The following ARHGAP24 variants were observed in gnomAD, a reference collection of about 807,000 sequenced individuals.
ARHGAP24 encodes the protein Rho GTPase activating protein 24.
Under a neutral mutation model 76.4 loss-of-function variants are expected in ARHGAP24, and 50 were observed. The ratio of observed to expected loss-of-function variants is 0.65; its 90% CI spans 0.52 to 0.83. The LOEUF is 0.83. Among genes scored for constraint, ARHGAP24 ranks in the 40% least tolerant of loss-of-function variants. The pLI is 0.00. For missense variants in ARHGAP24, 930 were observed against 914.2 expected (o/e 1.02, Z -0.22); for synonymous variants, 345 against 323.3 (o/e 1.07, Z -0.72).
intron 3 of ARHGAP24, among the ~76,000 whole-genome samples, chr4:85,738,133 C>G (rs1725671636): frequency 6.6e-6 from 1 of 152,044 alleles, no homozygotes; most frequent in African/African-American, 2.4e-5. Flanking sequence ...GTTGGCCAGG[C>G]TCGTCTCGAA....
At chr4:85,476,235 A>C (rs548975681) in intron 1 of ARHGAP24, among the ~76,000 whole-genome samples, 6 of 152,068 alleles carry the variant, frequency 3.9e-5, no homozygotes, top group Non-Finnish European at 8.8e-5. Context: ...AAAATACTTA[A>C]GACTACATTT....
chr4:85,642,152 A>G (rs114584358), intron 2 of ARHGAP24, among the ~76,000 whole-genome samples: 1 of 152,074 alleles, frequency 6.6e-6, no homozygotes, highest in Admixed American at 6.5e-5. Context: ...ACAGAAAAAC[A>G]GGGGAAGACT....
chr4:85,784,550 G>C (rs936647138), intron 3 of ARHGAP24, among the ~76,000 whole-genome samples: 2 of 151,908 alleles, frequency 1.3e-5, no homozygotes, highest in Non-Finnish European at 2.9e-5. Context: ...CTTCAGCTTG[G>C]CAGCAAACTG....
At chr4:85,872,820 C>T (rs567647958) in intron 3 of ARHGAP24, among the ~76,000 whole-genome samples, 74 of 150,882 alleles carry the variant, frequency 4.9e-4, no homozygotes, top group South Asian at 2.1e-4. Flanking sequence ...AGGCTGGTCT[C>T]GAACTCCTGA....
intron 2 of ARHGAP24, among the ~76,000 whole-genome samples, chr4:85,589,851 T>C (rs981698621): frequency 5.3e-5 from 8 of 152,254 alleles, no homozygotes; most frequent in Admixed American, 5.2e-4. Flanking sequence ...ATGGATTTTT[T>C]ATTTTACAAA....
chr4:85,641,450 G>C (rs1037664864), intron 2 of ARHGAP24, among the ~76,000 whole-genome samples: 2 of 152,178 alleles, frequency 1.3e-5, no homozygotes, highest in Non-Finnish European at 2.9e-5. Flanking sequence ...GGTATTTTCA[G>C]GGTTGATTCC....
intron 2 of ARHGAP24, among the ~76,000 whole-genome samples, chr4:85,584,127 A>G (rs1727740492): frequency 6.6e-6 from 1 of 151,674 alleles, no homozygotes; most frequent in Non-Finnish European, 1.5e-5. Context: ...ATGCTGCTAT[A>G]AAGACACATG....
chr4:85,630,398 C>T (rs186871683), intron 2 of ARHGAP24, among the ~76,000 whole-genome samples: 4 of 152,214 alleles, frequency 2.6e-5, no homozygotes, highest in Admixed American at 6.5e-5. Flanking sequence ...TTGATGGTGT[C>T]GCATTTCTGT....
At chr4:85,728,024 A>G (rs959704260) in intron 3 of ARHGAP24, among the ~76,000 whole-genome samples, 8 of 152,166 alleles carry the variant, frequency 5.3e-5, no homozygotes, top group Non-Finnish European at 1.2e-4. Context: ...CTTCAAAAAA[A>G]AAAAAGATGT....
chr4:85,605,854 C>T (rs1720175952), intron 2 of ARHGAP24, among the ~76,000 whole-genome samples: 2 of 152,142 alleles, frequency 1.3e-5, no homozygotes, highest in Admixed American at 6.5e-5. Context: ...AAAAGTACAT[C>T]TCAGTCTGAA....
At chr4:85,710,443 AC>A (rs1006460912) in intron 2 of ARHGAP24, among the ~76,000 whole-genome samples, 5 of 152,180 alleles carry the variant, frequency 3.3e-5, no homozygotes, top group African/African-American at 1.2e-4. Flanking sequence ...TGACAGAGAC[AC>A]CAAAAGCAAA....
At chr4:85,996,183 C>T (rs1195765788) in intron 9 of ARHGAP24, among the ~76,000 whole-genome samples, 1 of 152,114 alleles carries the variant, frequency 6.6e-6, no homozygotes, top group East Asian at 1.9e-4. Flanking sequence ...CTGAGAGAGG[C>T]CATAAGAGCC....
chr4:85,538,360 T>G lies in ARHGAP24; in HGVS notation c.-20-32162T>G, dbSNP rs147221334. Among the ~76,000 whole-genome samples, 570 of 152,338 alleles carry G rather than the reference T, an allele frequency of 3.7e-3. 3 individuals carry two copies. Among genetic ancestry groups the G allele is most frequent in the Middle Eastern group, 0.014 (4 of 294 alleles). ...ATGTTGATTATTTTTATTTTACTAT[T>G]TTGACTTTATATTAGGTTAAATTAT... On this transcript the variant is annotated intron_variant, in intron 1 of 9. Transcript: ENST00000395184.
At chr4:85,553,486 A>G (rs1265651880) in intron 1 of ARHGAP24, among the ~76,000 whole-genome samples, 1 of 152,142 alleles carries the variant, frequency 6.6e-6, no homozygotes, top group Non-Finnish European at 1.5e-5. Context: ...ACCTTTAGCT[A>G]GACACAGAGC....
intron 3 of ARHGAP24, among the ~76,000 whole-genome samples, chr4:85,738,295 C>T (rs1725677994): frequency 6.6e-6 from 1 of 151,718 alleles, no homozygotes; most frequent in South Asian, 2.1e-4. Context: ...TTTCATGTGC[C>T]TTTGACCATT....
chr4:85,679,518 T>C (rs1723121738), intron 2 of ARHGAP24, among the ~76,000 whole-genome samples: 2 of 152,184 alleles, frequency 1.3e-5, no homozygotes, highest in Non-Finnish European at 2.9e-5. Flanking sequence ...TACTTGTATC[T>C]GTTAAGATAA....
intron 3 of ARHGAP24, among the ~76,000 whole-genome samples, chr4:85,820,861 A>T (rs959981471): frequency 6.6e-6 from 1 of 152,182 alleles, no homozygotes; most frequent in Non-Finnish European, 1.5e-5. Context: ...GTATAATTTT[A>T]CTAACAAAAC....
chr4:85,569,519 A>G (rs1726990230), intron 1 of ARHGAP24, among the ~76,000 whole-genome samples: 1 of 151,940 alleles, frequency 6.6e-6, no homozygotes. Flanking sequence ...CCAATGAAGA[A>G]CTCATTTTCT....
At chr4:85,475,673 GGAGGGGGC>G (rs1722557202) in intron 1 of ARHGAP24, 114 bp downstream of exon 1, 1 of 43,916 alleles carries the variant, frequency 2.3e-5, no homozygotes, top group Non-Finnish European at 6.5e-5. Context: ...CGGGGGGCGG[GGAGGGGGC>G]TGCGGGGGGC....
Sources: gnomAD v4.1 joint callset for allele counts (sites outside exome capture counted in the v4.1 genomes callset) on GRCh38, gnomAD v4.1.1 for gene constraint, MANE v1.5 for transcripts, NCBI Gene and HGNC (gene_info 2026-07-23, HGNC 2026-07-21) for gene names.